OPCML: variants seen among roughly 807,000 people sequenced by gnomAD.
The protein encoded by OPCML is opioid-binding protein/cell adhesion molecule.
Under a neutral mutation model 37.8 loss-of-function variants are expected in OPCML, and 13 were observed. The observed-to-expected ratio is 0.34, with a 90% CI of 0.22 to 0.55. The LOEUF is 0.55. OPCML is among the 20% of genes least tolerant of loss of function. The pLI, the probability that OPCML is intolerant of heterozygous loss-of-function variation, is 0.91. For missense variants in OPCML, 341 were observed against 435.6 expected, an observed-to-expected ratio of 0.78 and a Z score of 1.93; for synonymous variants, 176 against 168.8, an observed-to-expected ratio of 1.04 and a Z score of -0.33.
At chr11:132,713,219 C>T (rs1247132765) in intron 2 of OPCML, among the ~76,000 whole-genome samples, 3 of 152,202 alleles carry the variant, frequency 2.0e-5, no homozygotes, top group Admixed American at 6.5e-5. Flanking sequence ...TAATTCATCA[C>T]GTGCTTTATT....
intron 2 of OPCML, among the ~76,000 whole-genome samples, chr11:132,818,261 T>G (rs149744956): frequency 0.022 from 3,408 of 152,258 alleles, 54 homozygotes; most frequent in Non-Finnish European, 0.032. Context: ...CTTTATCAAT[T>G]TTTTATTCTA....
At chr11:132,754,202 T>C (rs1021795839) in intron 2 of OPCML, among the ~76,000 whole-genome samples, 2 of 152,138 alleles carry the variant, frequency 1.3e-5, no homozygotes, top group Non-Finnish European at 2.9e-5. Context: ...GTACTGCTCT[T>C]GTATTTAAGC....
At chr11:132,487,967 A>G (rs1022898316) in intron 4 of OPCML, among the ~76,000 whole-genome samples, 20 of 152,204 alleles carry the variant, frequency 1.3e-4, no homozygotes, top group African/African-American at 4.8e-4. Flanking sequence ...TGCTTACAAG[A>G]TAAAATCCAA....
chr11:132,931,399 G>A (rs1309155296), intron 2 of OPCML, among the ~76,000 whole-genome samples: 1 of 152,116 alleles, frequency 6.6e-6, no homozygotes, highest in Non-Finnish European at 1.5e-5. Context: ...CAGAATGGGA[G>A]GGAATATTTG....
chr11:133,252,500 A>C (rs1356212145), intron 1 of OPCML, among the ~76,000 whole-genome samples: 2 of 152,202 alleles, frequency 1.3e-5, no homozygotes, highest in Non-Finnish European at 2.9e-5. Context: ...CAGGTGCTGC[A>C]GTGCTTAGCT....
chr11:132,504,927 T>C (rs2096253286), intron 4 of OPCML, among the ~76,000 whole-genome samples: 1 of 152,062 alleles, frequency 6.6e-6, no homozygotes, highest in Non-Finnish European at 1.5e-5. Flanking sequence ...ACAATGGGCT[T>C]GCAATACCAA....
intron 2 of OPCML, among the ~76,000 whole-genome samples, chr11:132,932,515 C>G (rs1436844004): frequency 1.3e-5 from 2 of 151,918 alleles, no homozygotes; most frequent in Non-Finnish European, 2.9e-5. Context: ...ATCCCCCTTT[C>G]CCATTTTGTG....
chr11:132,815,980 A>C (rs1347029449), intron 2 of OPCML, among the ~76,000 whole-genome samples: 1 of 152,228 alleles, frequency 6.6e-6, no homozygotes, highest in Non-Finnish European at 1.5e-5. Context: ...GGCAGTTCAC[A>C]CTTATTGGCC....
At chr11:132,764,313 G>A (rs12417401) in intron 2 of OPCML, among the ~76,000 whole-genome samples, 14,193 of 152,148 alleles carry the variant, frequency 0.093, 823 homozygotes, top group East Asian at 0.15. Flanking sequence ...GCTGCTCACC[G>A]CCCAACCCAA....
At chr11:133,060,357 C>G (rs752642466) in intron 1 of OPCML, among the ~76,000 whole-genome samples, 1 of 152,156 alleles carries the variant, frequency 6.6e-6, no homozygotes, top group Non-Finnish European at 1.5e-5. Context: ...TTTCACTGAG[C>G]ACTGTACCAG....
chr11:132,651,923 T>G (rs1565746758), intron 3 of OPCML, among the ~76,000 whole-genome samples: 1 of 152,136 alleles, frequency 6.6e-6, no homozygotes, highest in Non-Finnish European at 1.5e-5. Context: ...AGTGAAGAGA[T>G]TTCTGAACAA....
At position 132,691,846 on chromosome 11, in the gene OPCML, T is replaced by C. The variant is rs557331100; in HGVS notation, c.147-34527A>G. ...TTTTCCAGAAATCCATTTTTATGCTTGTGACCAGCTTAGGGTACTATTTCA... is the reference window on the plus strand; with the variant it reads ...TTTTCCAGAAATCCATTTTTATGCTCGTGACCAGCTTAGGGTACTATTTCA... On this transcript the variant is annotated intron_variant, in intron 2 of 7. Transcript: ENST00000524381. Among the ~76,000 whole-genome samples the C allele has an allele frequency of 3.9e-5, 6 of 152,310 alleles. No individual in the cohort carries two copies. In the East Asian group the frequency reaches 1.2e-3, roughly 29 times the overall value.
chr11:133,477,733 G>A (rs1209403513), intron 1 of OPCML, among the ~76,000 whole-genome samples: 1 of 152,136 alleles, frequency 6.6e-6, no homozygotes, highest in East Asian at 1.9e-4. Context: ...TCAAGAGAGA[G>A]GAAGGACTGG....
intron 1 of OPCML, among the ~76,000 whole-genome samples, chr11:133,088,303 C>T (rs762839858): frequency 6.6e-6 from 1 of 152,182 alleles, no homozygotes; most frequent in East Asian, 1.9e-4. Flanking sequence ...CGTAGTTTCA[C>T]CTTTGCCTCT....
At chr11:133,169,256 T>C (rs989635286) in intron 1 of OPCML, among the ~76,000 whole-genome samples, 1 of 152,234 alleles carries the variant, frequency 6.6e-6, no homozygotes, top group Non-Finnish European at 1.5e-5. Flanking sequence ...AGTGATAGTG[T>C]CTGCATTTGA....
intron 1 of OPCML, among the ~76,000 whole-genome samples, chr11:133,121,405 T>G (rs1397426565): frequency 6.6e-6 from 1 of 152,214 alleles, no homozygotes; most frequent in Non-Finnish European, 1.5e-5. Context: ...GAATAGGTAT[T>G]CGTTACGATA....
At chr11:132,972,616 GA>G (rs1364710359) in intron 1 of OPCML, among the ~76,000 whole-genome samples, 1 of 152,200 alleles carries the variant, frequency 6.6e-6, no homozygotes, top group Non-Finnish European at 1.5e-5. Flanking sequence ...ATGGCATTTG[GA>G]AATGGTGACA....
intron 1 of OPCML, among the ~76,000 whole-genome samples, chr11:132,952,737 T>C (rs751150012): frequency 3.9e-5 from 6 of 152,132 alleles, no homozygotes; most frequent in African/African-American, 7.2e-5. Flanking sequence ...CCCTCCTCTG[T>C]GAGCGGCGTG....
intron 1 of OPCML, among the ~76,000 whole-genome samples, chr11:133,397,991 T>C (rs1287018719): frequency 2.0e-5 from 3 of 152,332 alleles, no homozygotes; most frequent in South Asian, 2.1e-4. Context: ...GTGACAATGA[T>C]GGATTTAAGT....
Sources: allele counts gnomAD v4.1 joint callset (sites outside exome capture counted in the v4.1 genomes callset), GRCh38; gene constraint gnomAD v4.1.1; transcripts MANE v1.5; gene names NCBI Gene and HGNC (gene_info 2026-07-23, HGNC 2026-07-21).